The following SYNJ1 variants were observed in gnomAD, a reference collection of about 807,000 sequenced individuals.
The protein encoded by SYNJ1 is polyphosphatidylinositol phosphatase SYNJ1.
In SYNJ1, 78 loss-of-function variants were observed where a neutral mutation model predicts 168.2. The ratio of observed to expected loss-of-function variants is 0.46; its 90% CI spans 0.39 to 0.56. SYNJ1 has a LOEUF of 0.56. Ranked by LOEUF, SYNJ1 falls within the 20% of genes least tolerant of loss-of-function variation. The probability of loss-of-function intolerance (pLI) is 0.00; values close to 1 mark genes in which losing one functional copy is unlikely to be tolerated. For missense variants in SYNJ1, 1,303 were observed against 1,597.6 expected (o/e 0.82, Z 3.14); for synonymous variants, 539 against 548.6 (o/e 0.98, Z 0.24).
chr21:32,711,493 C>G (rs1236285757), intron 2 of SYNJ1, among the ~76,000 whole-genome samples: 1 of 152,054 alleles, frequency 6.6e-6, no homozygotes, highest in Non-Finnish European at 1.5e-5. Flanking sequence ...CCACCATGCC[C>G]AGCTAATTTT....
At chr21:32,678,587 A>T in intron 12 of SYNJ1, 58 bp downstream of exon 12, 3 of 1,482,512 alleles carry the variant, frequency 2.0e-6, no homozygotes, top group Non-Finnish European at 2.7e-6. Context: ...ATAAGTTTAC[A>T]TTTACCTCTT....
intron 6 of SYNJ1, among the ~76,000 whole-genome samples, 168 bp from the exon 7 acceptor site, chr21:32,688,535 C>T (rs1298674084): frequency 2.0e-5 from 3 of 152,038 alleles, no homozygotes; most frequent in African/African-American, 7.3e-5. Context: ...CAGGGAATTT[C>T]CACCCTCCAC....
At chr21:32,692,699 T>C (rs2042068907) in intron 6 of SYNJ1, among the ~76,000 whole-genome samples, 2 of 152,132 alleles carry the variant, frequency 1.3e-5, no homozygotes, top group African/African-American at 4.8e-5. Flanking sequence ...GATCCCTCAG[T>C]GTAACTACTC....
At chr21:32,647,486 GAAAT>G (rs537949477) in intron 23 of SYNJ1, among the ~76,000 whole-genome samples, 155 of 152,288 alleles carry the variant, frequency 1.0e-3, no homozygotes, top group African/African-American at 3.4e-3. Context: ...GCACTCTTCT[GAAAT>G]AATAAACTCA....
At chr21:32,687,938 T>C (rs1321259495) in intron 7 of SYNJ1, among the ~76,000 whole-genome samples, 1 of 152,108 alleles carries the variant, frequency 6.6e-6, no homozygotes, top group Non-Finnish European at 1.5e-5. Flanking sequence ...ATTTTACTAA[T>C]GAGATACCTT....
At chr21:32,724,508 A>C (rs1364711275) in intron 2 of SYNJ1, among the ~76,000 whole-genome samples, 1 of 152,204 alleles carries the variant, frequency 6.6e-6, no homozygotes, top group East Asian at 1.9e-4. Context: ...CAAGCAAACA[A>C]ACAAAGAAAA....
intron 18 of SYNJ1, among the ~76,000 whole-genome samples, chr21:32,662,944 G>A (rs1313549902): frequency 1.3e-5 from 2 of 152,156 alleles, no homozygotes; most frequent in Middle Eastern, 3.2e-3. Flanking sequence ...GGATCCTCGA[G>A]TAAATATCTT....
intron 32 of SYNJ1, among the ~76,000 whole-genome samples, chr21:32,634,611 T>C (rs897514750): frequency 1.3e-5 from 2 of 152,222 alleles, no homozygotes; most frequent in African/African-American, 2.4e-5. Context: ...TTACACTTTT[T>C]AGTTTTGTTA....
chr21:32,684,864 T>C (rs2146078763), intron 9 of SYNJ1, among the ~76,000 whole-genome samples: 1 of 152,282 alleles, frequency 6.6e-6, no homozygotes, highest in South Asian at 2.1e-4. Context: ...TCTATCCCTA[T>C]AATTGTTATT....
chr21:32,661,994 G>A (rs1021730317), intron 18 of SYNJ1, among the ~76,000 whole-genome samples: 1 of 152,138 alleles, frequency 6.6e-6, no homozygotes, highest in African/African-American at 2.4e-5. Flanking sequence ...GGACTGGAAC[G>A]TAGTCCCTTT....
At position 32,673,373 on chromosome 21, in the gene SYNJ1, C is replaced by T. The variant is rs1286865238; in HGVS notation, c.1693G>A (p.Ala565Thr). Residue 565 changes from alanine to threonine, a missense_variant, in exon 14 of 33, where the codon GCA (alanine) becomes ACA (threonine). Ala to Thr is a moderately conservative substitution (Grantham distance 58). Transcript: ENST00000674351. ...NQTLTDWLLD[A>T]PKLAGIQEFQ... ...TCCTGGATGCCAGCTAACTTGGGTG[C>T]ATCAAGAAGCCAGTCAGTGAGTGTC... 1.9e-6 allele frequency: 3 copies of T among 1,611,098 alleles called. No homozygotes were observed. Among genetic ancestry groups the T allele is most frequent in the African/African-American group, 1.3e-5 (1 of 74,764 alleles).
chr21:32,656,642 A>C, intron 21 of SYNJ1, 45 bp downstream of exon 21: 1 of 1,504,318 alleles, frequency 6.6e-7, no homozygotes, highest in Non-Finnish European at 9.0e-7. Context: ...TATAGAAATG[A>C]TTGTTTATGA....
At chr21:32,670,703 GGA>G (rs1222454109) in intron 14 of SYNJ1, 6 of 757,042 alleles carry the variant, frequency 7.9e-6, no homozygotes, top group African/African-American at 1.9e-5. Flanking sequence ...ACATAAAACT[GGA>G]GAGAGAAATT....
chr21:32,648,515 C>A (rs573327772), intron 23 of SYNJ1, among the ~76,000 whole-genome samples: 1 of 152,200 alleles, frequency 6.6e-6, no homozygotes, highest in Non-Finnish European at 1.5e-5. Context: ...GCTCCACTTT[C>A]TTTCCTTGAT....
chr21:32,688,175 T>C (rs2146107062), intron 7 of SYNJ1, 131 bp downstream of exon 7: 1 of 789,396 alleles, frequency 1.3e-6, no homozygotes, highest in Non-Finnish European at 2.0e-6. Flanking sequence ...GGTGTCACTG[T>C]CTTTCAATTA....
At chr21:32,708,107 T>C (rs1283426660) in intron 2 of SYNJ1, among the ~76,000 whole-genome samples, 1 of 152,094 alleles carries the variant, frequency 6.6e-6, no homozygotes, top group Admixed American at 6.6e-5. Context: ...CAGTTACGTC[T>C]GGAAACTTTC....
chr21:32,704,635 C>T (rs377643725), intron 2 of SYNJ1, among the ~76,000 whole-genome samples: 19 of 152,070 alleles, frequency 1.2e-4, no homozygotes, highest in African/African-American at 4.1e-4. Flanking sequence ...AGGGGCACCC[C>T]GGCATGGTAA....
rs566533509 is a variant in SYNJ1, at chr21:32,664,991, A to T, written c.2226T>A (p.Val742=). Residue 742 remains valine (V), a synonymous_variant, in exon 18 of 33, where the codon GTT becomes GTA. Transcript: ENST00000674351. ...NYRIDLPNEE[V]KELIRQQNWD... is the part of the protein sequence containing the mutation. ...AATTTTGCTGTCTTATGAGCTCTTT[A>T]ACTTCTTCGTTAGGGAGATCGATTC... 2.0e-4 allele frequency: 322 copies of T among 1,613,798 alleles called. 1 individual carries two copies. The South Asian group carries it at 3.3e-3, about 17-fold the overall frequency.
chr21:32,662,650 A>C (rs1050652801), intron 18 of SYNJ1, among the ~76,000 whole-genome samples: 1 of 152,174 alleles, frequency 6.6e-6, no homozygotes, highest in African/African-American at 2.4e-5. Context: ...AAGAGCAATA[A>C]GTTAGGAAGG....
Sources: allele counts gnomAD v4.1 joint callset (sites outside exome capture counted in the v4.1 genomes callset), GRCh38; gene constraint gnomAD v4.1.1; transcripts MANE v1.5; gene names NCBI Gene and HGNC (gene_info 2026-07-23, HGNC 2026-07-21).